Variants in CPM observed in about 807,000 individuals in gnomAD.
The protein encoded by CPM is renal carboxypeptidase.
CPM carries 35 observed loss-of-function variants against 46.4 expected under a neutral mutation model. That is an observed-to-expected ratio of 0.75 (90% CI 0.58 to 1.00). The LOEUF is 1.00. CPM is among the 50% of genes least tolerant of loss of function. CPM has a pLI of 0.00. For missense variants in CPM, 422 were observed against 530.4 expected (o/e 0.80, Z 2.01); for synonymous variants, 195 against 195.3 (o/e 1.00, Z 0.01).
intron 4 of CPM, 44 bp from the exon 5 acceptor site, chr12:68,870,443 G>C: frequency 6.5e-7 from 1 of 1,542,820 alleles, no homozygotes; most frequent in Non-Finnish European, 8.9e-7. Context: ...TAGGGCATGA[G>C]GGAGTGGATT....
At chr12:68,844,948 A>G (rs1314225292) in intron 5 of CPM, 4 of 194,236 alleles carry the variant, frequency 2.1e-5, no homozygotes, top group Non-Finnish European at 4.3e-5. Flanking sequence ...TTGTATTTCT[A>G]GCAGAGATGA....
chr12:68,936,909 A>G (rs1031342118), upstream of CPM, among the ~76,000 whole-genome samples: 1 of 152,274 alleles, frequency 6.6e-6, no homozygotes, highest in African/African-American at 2.4e-5. Flanking sequence ...CAGTTCATAA[A>G]AGCAGTAACA....
At chr12:68,844,477 T>G in intron 5 of CPM, 1 of 228,434 alleles carries the variant, frequency 4.4e-6, no homozygotes, top group South Asian at 1.8e-4. Flanking sequence ...TGATCGTGAA[T>G]GGTCTATAAG....
intron 7 of CPM, among the ~76,000 whole-genome samples, chr12:68,862,000 T>C (rs556767052): frequency 1.1e-5 from 1 of 90,202 alleles, no homozygotes; most frequent in Non-Finnish European, 2.4e-5. Context: ...TACACTTTAA[T>C]AGAACAGATT....
At chr12:68,940,279 A>T (rs1320099255) in intron 1 of CPM, among the ~76,000 whole-genome samples, 1 of 152,048 alleles carries the variant, frequency 6.6e-6, no homozygotes, top group Admixed American at 6.6e-5. Context: ...ACATCTGTTA[A>T]AATTGATGAG....
chr12:68,934,434 G>A (rs576553320), upstream of CPM, among the ~76,000 whole-genome samples: 17 of 152,118 alleles, frequency 1.1e-4, no homozygotes, highest in East Asian at 1.9e-3. Context: ...CTAGAATTGC[G>A]CACTCAGGAC....
intron 2 of CPM, among the ~76,000 whole-genome samples, chr12:68,926,674 T>C (rs979600865): frequency 4.6e-5 from 7 of 152,134 alleles, no homozygotes; most frequent in African/African-American, 1.7e-4. Flanking sequence ...AACTCGTCAT[T>C]TAGCATTAGG....
chr12:68,849,054 T>C (rs1884519926), downstream of CPM: 1 of 150,904 alleles, frequency 6.6e-6, no homozygotes, highest in Non-Finnish European at 1.5e-5. Flanking sequence ...GGTGGAAGTA[T>C]CTCGTTGGAA....
intron 3 of CPM, among the ~76,000 whole-genome samples, chr12:68,877,770 T>C (rs982772892): frequency 1.3e-5 from 2 of 152,218 alleles, no homozygotes; most frequent in Non-Finnish European, 2.9e-5. Context: ...TAATGTTGTG[T>C]TTTGGTTTAA....
intron 1 of CPM, among the ~76,000 whole-genome samples, chr12:68,944,875 G>T (rs1188581315): frequency 6.6e-6 from 1 of 151,762 alleles, no homozygotes; most frequent in African/African-American, 2.4e-5. Flanking sequence ...TGATTAGTTG[G>T]GAAAAAAATC....
intron 2 of CPM, among the ~76,000 whole-genome samples, chr12:68,926,194 A>G (rs1246763800): frequency 1.3e-5 from 2 of 152,226 alleles, no homozygotes; most frequent in Admixed American, 1.3e-4. Flanking sequence ...CTGGGATTAC[A>G]GGTGTGAGCC....
At chr12:68,958,316 A>C (rs557706252) in intron 1 of CPM, among the ~76,000 whole-genome samples, 66 of 152,284 alleles carry the variant, frequency 4.3e-4, no homozygotes, top group African/African-American at 1.5e-3. Flanking sequence ...CAACAGTATA[A>C]AAGCATTCCT....
chr12:68,889,370 A>C (rs1213202546), intron 2 of CPM, among the ~76,000 whole-genome samples: 1 of 152,208 alleles, frequency 6.6e-6, no homozygotes, highest in African/African-American at 2.4e-5. Context: ...ATGATAAGGA[A>C]TTTTATGTAA....
rs372124700 is a variant in CPM, at chr12:68,919,667, G to A, written c.160+13011C>T. ...ATGGCCAAGTCCAACTAAAAAGTTC[G>A]TCAAGGCTAGAATGTGACATTTCCC... On this transcript the variant is annotated intron_variant, in intron 2 of 8. Coordinates refer to ENST00000551568, the MANE Select transcript of CPM (RefSeq NM_198320.5). Among the ~76,000 whole-genome samples, 5 of 152,302 alleles carry A rather than the reference G, an allele frequency of 3.3e-5. No individual in the cohort carries two copies. In the South Asian group the frequency reaches 6.2e-4, roughly 19 times the overall value.
At chr12:68,886,493 G>A (rs1008956134) in intron 2 of CPM, among the ~76,000 whole-genome samples, 1 of 152,106 alleles carries the variant, frequency 6.6e-6, no homozygotes, top group Non-Finnish European at 1.5e-5. Flanking sequence ...TTAGCCGGGC[G>A]TGGTGGCGGG....
chr12:68,927,282 T>C (rs1888309204), intron 2 of CPM, among the ~76,000 whole-genome samples: 1 of 151,498 alleles, frequency 6.6e-6, no homozygotes, highest in African/African-American at 2.4e-5. Context: ...GGTATCTCAT[T>C]GTGGTTTTGA....
chr12:68,885,528 T>C (rs1465223530), intron 3 of CPM, among the ~76,000 whole-genome samples: 3 of 152,138 alleles, frequency 2.0e-5, no homozygotes, highest in Non-Finnish European at 2.9e-5. Flanking sequence ...GGGGAACTGT[T>C]GTTCTTCCGG....
intron 2 of CPM, among the ~76,000 whole-genome samples, chr12:68,911,148 G>A (rs1433793274): frequency 6.6e-6 from 1 of 152,204 alleles, no homozygotes; most frequent in Non-Finnish European, 1.5e-5. Context: ...ACCACAAGCA[G>A]TTGGATCTTA....
At chr12:68,907,197 C>G (rs1383617477) in intron 2 of CPM, among the ~76,000 whole-genome samples, 1 of 152,186 alleles carries the variant, frequency 6.6e-6, no homozygotes, top group Non-Finnish European at 1.5e-5. Flanking sequence ...CATATCTTTT[C>G]CTGACACAGG....
Sources: gnomAD v4.1 joint callset for allele counts (sites outside exome capture counted in the v4.1 genomes callset) on GRCh38, gnomAD v4.1.1 for gene constraint, MANE v1.5 for transcripts, NCBI Gene and HGNC (gene_info 2026-07-23, HGNC 2026-07-21) for gene names.